The following RNF17 variants were observed in gnomAD, a reference collection of about 807,000 sequenced individuals.
RNF17 encodes the protein spermatogenesis associated 23.
In RNF17, 31 loss-of-function variants were observed where a neutral mutation model predicts 200.5. The ratio of observed to expected loss-of-function variants is 0.15; its 90% CI spans 0.12 to 0.21. The LOEUF (loss-of-function observed/expected upper bound fraction) is 0.21. Ranked by LOEUF, RNF17 falls within the 10% of genes least tolerant of loss-of-function variation. The probability of loss-of-function intolerance (pLI) is 1.00; values close to 1 mark genes in which losing one functional copy is unlikely to be tolerated. For synonymous variants in RNF17, 606 were observed against 637.8 expected, an observed-to-expected ratio of 0.95 and a Z score of 0.75; for missense variants, 1,628 against 1,905.1, an observed-to-expected ratio of 0.85 and a Z score of 2.71.
In RNF17 at chr13:24,771,350, T is replaced by TTTTG. The variant is rs1593209620; in HGVS notation, c.226-3463_226-3462insTTTG. Among the ~76,000 whole-genome samples, 2 of 115,452 alleles carry TTTTG rather than the reference T, an allele frequency of 1.7e-5. 1 individual carries two copies. Among genetic ancestry groups the TTTTG allele is most frequent in the African/African-American group, 7.5e-5 (2 of 26,654 alleles). 75.7% of individuals were successfully genotyped at this position (115,452 alleles called of 152,430 possible). ...TTTTTTTTTTTTTTTTTTTTTTTTTTGGAAGAGGTGAATCCTTGCTATGTG... is the reference window on the plus strand; with the variant it reads ...TTTTTTTTTTTTTTTTTTTTTTTTTTTTTGGGAAGAGGTGAATCCTTGCTATGTG... On this transcript the variant is annotated intron_variant, in intron 2 of 35. Transcript: ENST00000255324.
intron 22 of RNF17, among the ~76,000 whole-genome samples, chr13:24,849,128 C>T (rs1381752451): frequency 6.6e-6 from 1 of 152,124 alleles, no homozygotes; most frequent in African/African-American, 2.4e-5. Context: ...AGTTCAAGTC[C>T]AGCCTGGGCA....
intron 15 of RNF17, among the ~76,000 whole-genome samples, chr13:24,815,428 GGTGTGTGTGTGTGTGTGTGTGT>G (rs60054136): frequency 1.4e-4 from 20 of 144,098 alleles, no homozygotes; most frequent in South Asian, 6.8e-4. Context: ...GCCCTAACGG[GGTGTGTGTGTGTGTGTGTGTGT>G]GTGTGTGTGT....
intron 15 of RNF17, among the ~76,000 whole-genome samples, chr13:24,819,564 A>G (rs981376822): frequency 1.3e-5 from 2 of 152,194 alleles, no homozygotes; most frequent in African/African-American, 4.8e-5. Context: ...TGGAGATTAC[A>G]TATAACATCC....
intron 10 of RNF17, 112 bp from the exon 11 acceptor site, chr13:24,796,025 A>G (rs1884526648): frequency 3.0e-6 from 2 of 673,282 alleles, no homozygotes; most frequent in Admixed American, 3.2e-5. Context: ...CGATATTCCC[A>G]GAGTTCACAA....
intron 15 of RNF17, among the ~76,000 whole-genome samples, chr13:24,812,977 C>T (rs949654352): frequency 1.1e-4 from 16 of 152,074 alleles, no homozygotes; most frequent in African/African-American, 1.9e-4. Flanking sequence ...CCACCGCGCC[C>T]GGCCAATAGC....
downstream of RNF17, among the ~76,000 whole-genome samples, chr13:24,882,086 CTATA>C (rs202181936): frequency 0.12 from 666 of 5,610 alleles, 154 homozygotes; most frequent in Middle Eastern, 0.33. Context: ...ATAGATACAT[CTATA>C]TATATAGATA....
intron 2 of RNF17, among the ~76,000 whole-genome samples, chr13:24,772,794 T>C (rs1300354052): frequency 6.6e-6 from 1 of 152,028 alleles, no homozygotes; most frequent in African/African-American, 2.4e-5. Flanking sequence ...GTATTTTTAG[T>C]AGAGACGGGG....
intron 6 of RNF17, among the ~76,000 whole-genome samples, chr13:24,783,662 G>A (rs1239257052): frequency 6.7e-6 from 1 of 149,720 alleles, no homozygotes; most frequent in Non-Finnish European, 1.5e-5. Context: ...TTTCTTTTGG[G>A]ATTATTCATT....
chr13:24,832,456 A>C (rs1335067221), intron 18 of RNF17, among the ~76,000 whole-genome samples: 2 of 152,210 alleles, frequency 1.3e-5, no homozygotes, highest in African/African-American at 4.8e-5. Context: ...ATAGAGTCTG[A>C]CCACTAGCCC....
chr13:24,754,554 G>A, the RNF17 span, among the ~76,000 whole-genome samples: 1 of 152,154 alleles, frequency 6.6e-6, no homozygotes, highest in Non-Finnish European at 1.5e-5. Context: ...GATGCTTGGA[G>A]TAAAAACAGT....
intron 15 of RNF17, among the ~76,000 whole-genome samples, chr13:24,817,716 C>CA (rs34461016): frequency 0.15 from 20,967 of 137,358 alleles, 1,869 homozygotes; most frequent in Admixed American, 0.27. Flanking sequence ...GACTTCATCT[C>CA]AAAAAAAAAA....
At chr13:24,798,269 G>C (rs189636021) in intron 11 of RNF17, among the ~76,000 whole-genome samples, 6 of 152,212 alleles carry the variant, frequency 3.9e-5, no homozygotes, top group Non-Finnish European at 5.9e-5. Context: ...GATTGGTTTT[G>C]TTACGCCATT....
At chr13:24,797,953 A>G (rs1387789581) in intron 11 of RNF17, among the ~76,000 whole-genome samples, 1 of 152,180 alleles carries the variant, frequency 6.6e-6, no homozygotes, top group Non-Finnish European at 1.5e-5. Flanking sequence ...CGCTCTGTGA[A>G]TCCACCTTAT....
chr13:24,886,260 G>T, the RNF17 span: 1 of 1,255,334 alleles, frequency 8.0e-7, no homozygotes, highest in East Asian at 5.6e-5. Context: ...GCAAGTGCCA[G>T]AATCTGACCT....
downstream of RNF17, among the ~76,000 whole-genome samples, chr13:24,880,567 T>C (rs1349713467): frequency 9.2e-5 from 14 of 152,256 alleles, no homozygotes; most frequent in Admixed American, 7.2e-4. Context: ...TTTTATTTGC[T>C]CTTTAATCCA....
At chr13:24,883,201 A>G (rs767181915), downstream of RNF17, 9 of 1,614,062 alleles carry the variant, frequency 5.6e-6, no homozygotes, top group Admixed American at 8.3e-5. Flanking sequence ...CCATTAGCAC[A>G]TTACCCTCCT....
chr13:24,796,140 C>T lies in RNF17; in HGVS notation c.1244C>T (p.Ser415Phe). Residue 415 changes from serine to phenylalanine, a missense_variant, in exon 11 of 36, where the codon TCT becomes TTT. Coordinates refer to ENST00000255324, the MANE Select transcript of RNF17 (RefSeq NM_031277.3). ...TGACTTAAACATTTTTATCCAGGTT[C>T]TGCAGAGCTAGTTTTTGTAAGCCAT... is the stretch of plus-strand genomic sequence containing the variant. ...EEIIEDNVESSAELVFVSHVI... is the reference protein window; with the variant it reads ...EEIIEDNVESFAELVFVSHVI... 6.2e-7 allele frequency: 1 copy of T among 1,601,548 alleles called. No homozygotes were observed. The highest frequency in any genetic ancestry group is 8.5e-7 in the Non-Finnish European group (1 of 1,174,526).
intron 32 of RNF17, among the ~76,000 whole-genome samples, chr13:24,870,971 G>A (rs1477992067): frequency 2.0e-5 from 3 of 152,172 alleles, no homozygotes; most frequent in Non-Finnish European, 4.4e-5. Context: ...ACACTTTCAC[G>A]TTCCACAAAT....
intron 7 of RNF17, 82 bp from the exon 8 acceptor site, chr13:24,789,266 A>G: frequency 2.2e-6 from 2 of 915,720 alleles, no homozygotes; most frequent in Non-Finnish European, 3.5e-6. Flanking sequence ...CCTAAAAGAT[A>G]CAGTTTTCTT....
Sources: allele counts gnomAD v4.1 joint callset (sites outside exome capture counted in the v4.1 genomes callset), GRCh38; gene constraint gnomAD v4.1.1; transcripts MANE v1.5; gene names NCBI Gene and HGNC (gene_info 2026-07-23, HGNC 2026-07-21).